Variants in CSMD1 observed in about 807,000 individuals in gnomAD.
The protein encoded by CSMD1 is CUB and Sushi multiple domains 1, also known as CUB and sushi domain-containing protein 1.
CSMD1 carries 213 observed loss-of-function variants against 417.5 expected under a neutral mutation model. That is an observed-to-expected ratio of 0.51 (90% CI 0.46 to 0.57). The LOEUF (loss-of-function observed/expected upper bound fraction) is 0.57. CSMD1 is among the 20% of genes least tolerant of loss of function. The pLI is 0.00. For synonymous variants in CSMD1, 2,862 were observed against 1,736.8 expected, an observed-to-expected ratio of 1.65 and a Z score of -16.11; for missense variants, 6,923 against 4,529.7, an observed-to-expected ratio of 1.53 and a Z score of -15.17.
At chr8:2,942,875 C>G (rs183768654) in intron 68 of CSMD1, among the ~76,000 whole-genome samples, 1 of 152,264 alleles carries the variant, frequency 6.6e-6, no homozygotes, top group Non-Finnish European at 1.5e-5. Context: ...AGTATACATC[C>G]TGACTTTCGT....
intron 1 of CSMD1, among the ~76,000 whole-genome samples, chr8:4,923,913 G>A (rs1302896767): frequency 1.3e-5 from 2 of 152,130 alleles, no homozygotes; most frequent in Admixed American, 1.3e-4. Flanking sequence ...CTTTGGTTTG[G>A]GTTCTATGGA....
chr8:4,683,280 A>G (rs974094494), intron 1 of CSMD1, among the ~76,000 whole-genome samples: 5 of 152,132 alleles, frequency 3.3e-5, no homozygotes, highest in Admixed American at 2.0e-4. Flanking sequence ...TAATTAAGAT[A>G]AAAAGAAAAG....
chr8:4,249,192 G>C (rs1802897140), intron 3 of CSMD1, among the ~76,000 whole-genome samples: 1 of 152,152 alleles, frequency 6.6e-6, no homozygotes, highest in African/African-American at 2.4e-5. Context: ...AAGCTTGATA[G>C]TGTCACCAGG....
chr8:4,339,558 T>G (rs1800359887), intron 3 of CSMD1, among the ~76,000 whole-genome samples: 1 of 152,112 alleles, frequency 6.6e-6, no homozygotes, highest in South Asian at 2.1e-4. Context: ...GAATCTTTCA[T>G]AAATAACTTT....
At chr8:3,674,984 C>T (rs1008680913) in intron 7 of CSMD1, among the ~76,000 whole-genome samples, 1 of 152,194 alleles carries the variant, frequency 6.6e-6, no homozygotes, top group African/African-American at 2.4e-5. Context: ...AAGGGGTTAA[C>T]ATCAGTCTCC....
At chr8:3,444,163 C>A (rs983051086) in intron 12 of CSMD1, among the ~76,000 whole-genome samples, 6 of 152,054 alleles carry the variant, frequency 3.9e-5, no homozygotes, top group Admixed American at 6.6e-5. Context: ...TTGTAAGTGT[C>A]CAGATCATAA....
intron 3 of CSMD1, among the ~76,000 whole-genome samples, chr8:4,213,829 C>G (rs10100889): frequency 0.28 from 43,196 of 152,076 alleles, 6,885 homozygotes; most frequent in Non-Finnish European, 0.35. Context: ...AGAAAAGAGA[C>G]AGTTATTGAA....
At chr8:3,376,818 T>C (rs1481595154) in intron 18 of CSMD1, among the ~76,000 whole-genome samples, 1 of 152,142 alleles carries the variant, frequency 6.6e-6, no homozygotes, top group Non-Finnish European at 1.5e-5. Flanking sequence ...CTGAAAGCTA[T>C]GAATGTTTAA....
At chr8:4,393,171 T>G (rs143869505) in intron 3 of CSMD1, among the ~76,000 whole-genome samples, 1 of 151,834 alleles carries the variant, frequency 6.6e-6, no homozygotes, top group Non-Finnish European at 1.5e-5. Context: ...AGACGAAGTT[T>G]CACCATGTTG....
intron 2 of CSMD1, among the ~76,000 whole-genome samples, chr8:4,511,474 T>A (rs1290244285): frequency 1.3e-5 from 2 of 152,246 alleles, no homozygotes; most frequent in African/African-American, 4.8e-5. Context: ...TCTGGTTTCC[T>A]GTTCAGCATG....
intron 3 of CSMD1, among the ~76,000 whole-genome samples, chr8:4,162,960 A>C (rs946066287): frequency 6.6e-6 from 1 of 152,168 alleles, no homozygotes; most frequent in Non-Finnish European, 1.5e-5. Flanking sequence ...TGCCTTTTCC[A>C]AAATGCCCTA....
At chr8:3,603,253 A>G (rs1453244469) in intron 8 of CSMD1, among the ~76,000 whole-genome samples, 2 of 152,166 alleles carry the variant, frequency 1.3e-5, no homozygotes, top group Non-Finnish European at 2.9e-5. Flanking sequence ...TTTCCTAGTA[A>G]CCATGAATCC....
At chr8:4,777,144 C>T (rs765479421) in intron 1 of CSMD1, among the ~76,000 whole-genome samples, 8 of 152,220 alleles carry the variant, frequency 5.3e-5, no homozygotes, top group African/African-American at 7.2e-5. Flanking sequence ...CACATTGAGA[C>T]GGATAATTAA....
chr8:3,802,108 G>A (rs953617180), intron 5 of CSMD1, among the ~76,000 whole-genome samples: 1 of 152,006 alleles, frequency 6.6e-6, no homozygotes, highest in Non-Finnish European at 1.5e-5. Flanking sequence ...TAATAACATT[G>A]TTTTAAAAAG....
intron 1 of CSMD1, among the ~76,000 whole-genome samples, chr8:4,912,122 C>CAAAAAAAAAAAAAAAA (rs36194482): frequency 1.8e-4 from 15 of 84,566 alleles, no homozygotes; most frequent in Admixed American, 2.8e-4. Context: ...AACATAGCTT[C>CAAAAAAAAAAAAAAAA]AAAAAAAAAA....
intron 6 of CSMD1, among the ~76,000 whole-genome samples, chr8:3,745,416 C>T (rs1029225663): frequency 6.6e-6 from 1 of 152,140 alleles, no homozygotes; most frequent in African/African-American, 2.4e-5. Flanking sequence ...ATTGCTCTGA[C>T]AAAGAAAGGT....
intron 54 of CSMD1, among the ~76,000 whole-genome samples, chr8:2,987,151 A>C (rs928831008): frequency 6.6e-6 from 1 of 152,126 alleles, no homozygotes; most frequent in Non-Finnish European, 1.5e-5. Context: ...AATAATAAAC[A>C]GCTTATATTA....
At chr8:4,268,911 G>C (rs543395078) in intron 3 of CSMD1, among the ~76,000 whole-genome samples, 31 of 152,276 alleles carry the variant, frequency 2.0e-4, no homozygotes, top group Non-Finnish European at 1.2e-4. Context: ...TACTCATCAA[G>C]ATGCTTGCTA....
At chr8:4,695,565 T>C (rs1807073759) in intron 1 of CSMD1, among the ~76,000 whole-genome samples, 1 of 152,166 alleles carries the variant, frequency 6.6e-6, no homozygotes, top group South Asian at 2.1e-4. Flanking sequence ...AAGAGGAAGA[T>C]ACAGAGGTTT....
Sources: gnomAD v4.1 joint callset for allele counts (sites outside exome capture counted in the v4.1 genomes callset) on GRCh38, gnomAD v4.1.1 for gene constraint, MANE v1.5 for transcripts, NCBI Gene and HGNC (gene_info 2026-07-23, HGNC 2026-07-21) for gene names.